PIK3C3: variants seen among roughly 807,000 people sequenced by gnomAD.
PIK3C3 encodes the protein PI3-kinase type 3.
PIK3C3 carries 95 observed loss-of-function variants against 126.1 expected under a neutral mutation model. The observed-to-expected ratio is 0.75, with a 90% CI of 0.64 to 0.89. The LOEUF is 0.89. Ranked by LOEUF, PIK3C3 falls within the 40% of genes least tolerant of loss-of-function variation. The pLI, the probability that PIK3C3 is intolerant of heterozygous loss-of-function variation, is 0.00. For missense variants in PIK3C3, 829 were observed against 1,063.2 expected, an observed-to-expected ratio of 0.78 and a Z score of 3.06; for synonymous variants, 374 against 360.0, an observed-to-expected ratio of 1.04 and a Z score of -0.44.
intron 16 of PIK3C3, among the ~76,000 whole-genome samples, chr18:42,035,039 T>A (rs1983987375): frequency 6.6e-6 from 1 of 152,220 alleles, no homozygotes; most frequent in Admixed American, 6.5e-5. Context: ...GTTGCTTTAA[T>A]TTTTAAATGT....
Position 41,994,325 on chromosome 18 carries a change from A to G in PIK3C3, c.786+984A>G, listed in dbSNP as rs145730725. ...AATCCCAAATTGGCACTGAATTTTC[A>G]GTATAAAATCAAATTATATTTTACA... On this transcript the variant is annotated intron_variant, in intron 7 of 24. Transcript: ENST00000262039. Among the ~76,000 whole-genome samples the G allele has an allele frequency of 1.6e-4, 25 of 152,324 alleles. No individual in the cohort carries two copies. In the East Asian group the frequency reaches 4.6e-3, roughly 28 times the overall value.
chr18:41,987,997 G>T (rs1391412052), intron 5 of PIK3C3, 99 bp downstream of exon 5: 6 of 692,496 alleles, frequency 8.7e-6, no homozygotes, highest in African/African-American at 5.6e-5. Context: ...ACAAATATAG[G>T]ATTATCAGGG....
chr18:42,000,141 C>G (rs1461050949), intron 9 of PIK3C3, among the ~76,000 whole-genome samples: 1 of 152,166 alleles, frequency 6.6e-6, no homozygotes. Context: ...GCAACCTCCC[C>G]CTCCCAGGTT....
chr18:41,955,270 TG>T lies in PIK3C3; in HGVS notation c.-20del, dbSNP rs1223206726. ...CCTGTACCTAAGTTCCCGCTGTAGG[TG>T]GTACCTTTGCAGACGGTGCGATGGG... On this transcript the variant is annotated 5_prime_UTR_variant, in exon 1 of 25. Coordinates refer to ENST00000262039, the MANE Select transcript of PIK3C3 (RefSeq NM_002647.4). 1.2e-6 allele frequency: 2 copies of T among 1,606,666 alleles called. No homozygotes were observed. The highest frequency in any genetic ancestry group is 8.5e-7 in the Non-Finnish European group (1 of 1,174,666).
chr18:42,024,067 G>T (rs1315290853), intron 13 of PIK3C3, among the ~76,000 whole-genome samples: 1 of 152,122 alleles, frequency 6.6e-6, no homozygotes, highest in Non-Finnish European at 1.5e-5. Flanking sequence ...TCATTCTAGG[G>T]TGTTGAAATT....
chr18:41,983,430 T>C (rs975044652), intron 4 of PIK3C3, among the ~76,000 whole-genome samples: 1 of 152,108 alleles, frequency 6.6e-6, no homozygotes, highest in East Asian at 1.9e-4. Context: ...CAAAGCTCTT[T>C]GGGCAGAATA....
At chr18:41,958,841 C>T (rs1414958138) in intron 2 of PIK3C3, among the ~76,000 whole-genome samples, 1 of 151,960 alleles carries the variant, frequency 6.6e-6, no homozygotes, top group Non-Finnish European at 1.5e-5. Context: ...ATACAGTGAA[C>T]GCCTAAGTTT....
chr18:42,014,556 C>A (rs773735507), intron 11 of PIK3C3, among the ~76,000 whole-genome samples: 1 of 152,094 alleles, frequency 6.6e-6, no homozygotes, highest in African/African-American at 2.4e-5. Context: ...ACTCCAAATC[C>A]CACATTTTTT....
At chr18:42,015,925 G>T (rs993755132) in intron 12 of PIK3C3, among the ~76,000 whole-genome samples, 1 of 152,058 alleles carries the variant, frequency 6.6e-6, no homozygotes, top group Non-Finnish European at 1.5e-5. Flanking sequence ...GTATAACTTT[G>T]ATATTAGAGT....
In PIK3C3 at chr18:41,970,321, C is replaced by T. The variant is rs1423778224; in HGVS notation, c.402-6C>T. ...CTTCTACCCTGAACATTCTCTTTTT[C>T]CCTAGCATGTTTCGCCAAGGGATGC... is the stretch of plus-strand genomic sequence containing the variant. On this transcript the variant is annotated splice_polypyrimidine_tract_variant and splice_region_variant and intron_variant, in intron 3 of 24. Transcript: ENST00000262039. 2 of 1,612,116 alleles carry T rather than the reference C, an allele frequency of 1.2e-6. No individual in the cohort carries two copies. The highest frequency in any genetic ancestry group is 3.3e-4 in the Middle Eastern group (2 of 6,056).
intron 24 of PIK3C3, among the ~76,000 whole-genome samples, chr18:42,072,145 G>A (rs1423445833): frequency 6.6e-6 from 1 of 151,902 alleles, no homozygotes; most frequent in Non-Finnish European, 1.5e-5. Flanking sequence ...CTATTTTTTT[G>A]TCACTTGTAG....
chr18:42,018,876 T>G (rs1043910217), intron 12 of PIK3C3, among the ~76,000 whole-genome samples: 3 of 152,144 alleles, frequency 2.0e-5, no homozygotes, highest in Non-Finnish European at 4.4e-5. Context: ...GAAAAGCACA[T>G]AGCATAGCAT....
intron 10 of PIK3C3, among the ~76,000 whole-genome samples, 188 bp downstream of exon 10, chr18:42,004,729 T>G (rs541236036): frequency 4.1e-4 from 62 of 152,260 alleles, no homozygotes; most frequent in Admixed American, 3.8e-3. Context: ...CTCAGAGGAC[T>G]CCTCTGTGAA....
chr18:42,020,949 A>G lies in PIK3C3; in HGVS notation c.1484+244A>G, dbSNP rs985583681. Among the ~76,000 whole-genome samples, 5 of 152,154 alleles carry G rather than the reference A, an allele frequency of 3.3e-5. No homozygotes were observed. The South Asian group carries it at 8.3e-4, about 25-fold the overall frequency. The stretch of plus-strand genomic sequence containing the variant: ...GAGCTAGGATATAACTGGGGAGGGT[A>G]ATGGGTACTTTCAGTTTAATATCTG... On this transcript the variant is annotated intron_variant, in intron 13 of 24. Coordinates refer to ENST00000262039, the MANE Select transcript of PIK3C3 (RefSeq NM_002647.4).
chr18:42,068,130 C>T (rs1985618710), intron 24 of PIK3C3, among the ~76,000 whole-genome samples: 1 of 152,226 alleles, frequency 6.6e-6, no homozygotes, highest in Non-Finnish European at 1.5e-5. Flanking sequence ...TAATGATTTT[C>T]CTAATCATCC....
chr18:42,022,609 T>C (rs1030435525), intron 13 of PIK3C3, among the ~76,000 whole-genome samples: 14 of 152,152 alleles, frequency 9.2e-5, no homozygotes, highest in Non-Finnish European at 2.1e-4. Flanking sequence ...TCAGTGATTT[T>C]CCCCCCTTTG....
At chr18:41,970,247 C>T in intron 3 of PIK3C3, 80 bp from the exon 4 acceptor site, 1 of 1,209,248 alleles carries the variant, frequency 8.3e-7, no homozygotes, top group Non-Finnish European at 1.2e-6. Flanking sequence ...ATAGAATTCT[C>T]TTTATTTTTA....
At chr18:41,967,774 T>C (rs1248174029) in intron 3 of PIK3C3, among the ~76,000 whole-genome samples, 1 of 152,226 alleles carries the variant, frequency 6.6e-6, no homozygotes, top group Admixed American at 6.5e-5. Context: ...ATGCAAGCTG[T>C]AGATTTCTCT....
intron 5 of PIK3C3, among the ~76,000 whole-genome samples, chr18:41,990,200 TA>T (rs1290239497): frequency 2.0e-5 from 3 of 152,158 alleles, no homozygotes; most frequent in African/African-American, 7.2e-5. Flanking sequence ...AACTACTGAA[TA>T]AACCAAAAAT....
Sources: gnomAD v4.1 joint callset for allele counts (sites outside exome capture counted in the v4.1 genomes callset) on GRCh38, gnomAD v4.1.1 for gene constraint, MANE v1.5 for transcripts, NCBI Gene and HGNC (gene_info 2026-07-23, HGNC 2026-07-21) for gene names.